Variants in SNX29 observed in about 807,000 individuals in gnomAD.
The protein encoded by SNX29 is sorting nexin-29.
A neutral mutation model predicts 102.1 loss-of-function variants in SNX29; 78 were observed. The ratio of observed to expected loss-of-function variants is 0.76; its 90% CI spans 0.64 to 0.92. SNX29 has a LOEUF of 0.92. Among genes scored for constraint, SNX29 ranks in the 40% least tolerant of loss-of-function variants. The pLI, the probability that SNX29 is intolerant of heterozygous loss-of-function variation, is 0.00. For missense variants in SNX29, 1,280 were observed against 1,061.7 expected, an observed-to-expected ratio of 1.21 and a Z score of -2.86; for synonymous variants, 580 against 414.5, an observed-to-expected ratio of 1.40 and a Z score of -4.85.
At chr16:12,335,342 C>G (rs960610002) in intron 15 of SNX29, among the ~76,000 whole-genome samples, 4 of 151,716 alleles carry the variant, frequency 2.6e-5, no homozygotes, top group Admixed American at 2.0e-4. Flanking sequence ...TTTCATCAAG[C>G]AAAAAAAGCT....
chr16:12,487,386 C>G lies in SNX29; in HGVS notation c.2178+9527C>G, dbSNP rs549246403. Among the ~76,000 whole-genome samples the G allele has an allele frequency of 5.3e-5, 8 of 152,218 alleles. No homozygotes were observed. In the South Asian group the frequency reaches 1.0e-3, roughly 20 times the overall value. ...CCATATGCCGGCTTGCCAGACACAC[C>G]GGGAACTTTGCATTTATTTTCTCAT... On this transcript the variant is annotated intron_variant, in intron 19 of 20. Coordinates refer to ENST00000566228, the MANE Select transcript of SNX29 (RefSeq NM_032167.5).
At chr16:12,351,290 C>T (rs1308643871) in intron 15 of SNX29, among the ~76,000 whole-genome samples, 1 of 152,192 alleles carries the variant, frequency 6.6e-6, no homozygotes, top group Non-Finnish European at 1.5e-5. Context: ...GCCATCATCA[C>T]AGAAAGAGGC....
At chr16:12,262,576 T>G (rs941716678) in intron 14 of SNX29, among the ~76,000 whole-genome samples, 1 of 152,154 alleles carries the variant, frequency 6.6e-6, no homozygotes, top group African/African-American at 2.4e-5. Context: ...ACCGGCGGGA[T>G]GAGAGCGCAG....
At chr16:12,111,374 C>T (rs746800872) in intron 11 of SNX29, among the ~76,000 whole-genome samples, 3 of 152,232 alleles carry the variant, frequency 2.0e-5, no homozygotes, top group Non-Finnish European at 4.4e-5. Context: ...CTGCCCTTTG[C>T]CTTCCATGAC....
intron 18 of SNX29, among the ~76,000 whole-genome samples, chr16:12,453,313 A>G (rs1163154507): frequency 1.3e-5 from 2 of 152,212 alleles, no homozygotes; most frequent in Non-Finnish European, 2.9e-5. Flanking sequence ...TCCCCAGGCA[A>G]CCACCACTGT....
chr16:12,153,834 A>G (rs553151161), intron 13 of SNX29, among the ~76,000 whole-genome samples: 190 of 152,142 alleles, frequency 1.2e-3, no homozygotes, highest in Non-Finnish European at 2.5e-3. Flanking sequence ...AGAAAGTTTT[A>G]TGTAGCAAGC....
intron 15 of SNX29, among the ~76,000 whole-genome samples, chr16:12,347,547 G>A (rs2081850590): frequency 1.3e-5 from 2 of 152,086 alleles, no homozygotes; most frequent in Non-Finnish European, 2.9e-5. Context: ...TCACCCTTCT[G>A]AGCCTCAGTT....
At chr16:12,565,550 C>T (rs12918996) in intron 20 of SNX29, among the ~76,000 whole-genome samples, 39,159 of 152,040 alleles carry the variant, frequency 0.26, 5,566 homozygotes, top group East Asian at 0.44. Context: ...TGAACCATCC[C>T]TGTGTCACAG....
chr16:12,441,433 A>G (rs542461351), intron 18 of SNX29, among the ~76,000 whole-genome samples: 1 of 152,202 alleles, frequency 6.6e-6, no homozygotes, highest in East Asian at 1.9e-4. Flanking sequence ...TTGTTTGGGT[A>G]GATCACATTT....
chr16:12,339,702 C>T (rs2081557359), intron 15 of SNX29, among the ~76,000 whole-genome samples: 2 of 152,208 alleles, frequency 1.3e-5, no homozygotes, highest in South Asian at 4.1e-4. Flanking sequence ...CCTAGCAGCT[C>T]CAAGCTTATG....
chr16:12,553,532 C>T (rs762210890), intron 20 of SNX29, among the ~76,000 whole-genome samples: 8 of 152,062 alleles, frequency 5.3e-5, no homozygotes, highest in Non-Finnish European at 1.2e-4. Flanking sequence ...GAGGAGGGAC[C>T]CCACAGAGCA....
At chr16:12,372,531 C>A (rs2082721876) in intron 16 of SNX29, 1 of 152,178 alleles carries the variant, frequency 6.6e-6, no homozygotes, top group Non-Finnish European at 1.5e-5. Context: ...ACTAAACATA[C>A]CTTGCCCTGG....
chr16:12,088,245 G>C (rs980856694), intron 11 of SNX29: 1 of 395,270 alleles, frequency 2.5e-6, no homozygotes, highest in Non-Finnish European at 5.1e-6. Flanking sequence ...ACCTGCAGAA[G>C]GCTGCAGCGG....
chr16:12,539,098 C>T (rs533222594), intron 20 of SNX29, among the ~76,000 whole-genome samples: 15 of 152,324 alleles, frequency 9.8e-5, no homozygotes, highest in Non-Finnish European at 1.5e-4. Context: ...GCCCAGAGTC[C>T]TACTTGCCTT....
intron 11 of SNX29, among the ~76,000 whole-genome samples, chr16:12,118,237 G>GTGAGTACTCC (rs1237037982): frequency 6.6e-6 from 1 of 150,704 alleles, no homozygotes; most frequent in Non-Finnish European, 1.5e-5. Context: ...TTTAATTCTG[G>GTGAGTACTCC]TGAGTACTCC....
intron 20 of SNX29, chr16:12,561,143 T>G (rs898077567): frequency 8.7e-6 from 2 of 229,190 alleles, no homozygotes; most frequent in African/African-American, 2.2e-5. Flanking sequence ...GGCCCAGGTG[T>G]TGCCTAGGAA....
At chr16:12,084,814 A>G (rs943447569) in intron 11 of SNX29, among the ~76,000 whole-genome samples, 3 of 152,210 alleles carry the variant, frequency 2.0e-5, no homozygotes, top group Admixed American at 6.5e-5. Flanking sequence ...CACACCTGTA[A>G]TCCCAGCACT....
intron 11 of SNX29, among the ~76,000 whole-genome samples, chr16:12,113,768 C>T (rs1221769726): frequency 6.6e-6 from 1 of 152,346 alleles, no homozygotes; most frequent in African/African-American, 2.4e-5. Flanking sequence ...GGGGTCATAT[C>T]TCTGCTGGTT....
chr16:12,562,033 T>TG (rs1567206298), intron 20 of SNX29, among the ~76,000 whole-genome samples: 1 of 152,070 alleles, frequency 6.6e-6, no homozygotes. Flanking sequence ...CTCATGGATT[T>TG]AGGGATGGAA....
Sources: allele counts gnomAD v4.1 joint callset (sites outside exome capture counted in the v4.1 genomes callset), GRCh38; gene constraint gnomAD v4.1.1; transcripts MANE v1.5; gene names NCBI Gene and HGNC (gene_info 2026-07-23, HGNC 2026-07-21).